ATM: variants seen among roughly 807,000 people sequenced by gnomAD.
ATM encodes the protein ATM serine/threonine kinase.
In ATM, 308 loss-of-function variants were observed where a neutral mutation model predicts 387.0. That is an observed-to-expected ratio of 0.80 (90% CI 0.73 to 0.87). The LOEUF (loss-of-function observed/expected upper bound fraction) is 0.87, where lower values mean the gene tolerates loss of function less well. ATM is among the 40% of genes least tolerant of loss of function. The pLI is 0.00. For missense variants in ATM, 3,312 were observed against 3,560.9 expected (o/e 0.93, Z 1.78); for synonymous variants, 1,156 against 1,187.3 (o/e 0.97, Z 0.54).
At chr11:108,235,557 A>G (rs2079227731) in intron 4 of ATM, 113 bp from the exon 5 acceptor site, 1 of 1,032,498 alleles carries the variant, frequency 9.7e-7, no homozygotes, top group Non-Finnish European at 1.4e-6. Flanking sequence ...TCTCTACAAA[A>G]GAAGTTTAGT....
In ATM at chr11:108,281,178, G is replaced by A. The variant is rs1057523063; in HGVS notation, c.3576+10G>A. On this transcript the variant is annotated intron_variant, in intron 24 of 62. Coordinates refer to ENST00000675843, the MANE Select transcript of ATM (RefSeq NM_000051.4). Reference sequence around the variant, plus strand: ...TCACCTTGTGAAAAAGGTATATATGGATGAGTATTTTATTAGAAGCTTCCT... The same window carrying A: ...TCACCTTGTGAAAAAGGTATATATGAATGAGTATTTTATTAGAAGCTTCCT... 6.2e-7 allele frequency: 1 copy of A among 1,612,694 alleles called. No homozygotes were observed. The highest frequency in any genetic ancestry group is 8.5e-7 in the Non-Finnish European group (1 of 1,178,834).
At chr11:108,224,735 A>T (rs926171545) in intron 1 of ATM, 1 of 152,186 alleles carries the variant, frequency 6.6e-6, no homozygotes, top group African/African-American at 2.4e-5. Context: ...TTTATCTAAA[A>T]TGATTCTCTC....
In ATM at chr11:108,308,996, A is replaced by C. The variant is rs775063343; in HGVS notation, c.5762+1012A>C. On this transcript the variant is annotated intron_variant, in intron 38 of 62. Transcript: ENST00000675843. ...TTACCATTGGGGTAGAATGGTGTTG[A>C]CATTAGCAGGAGTTGGAGAAGATAA... 8.5e-6 allele frequency: 13 copies of C among 1,527,524 alleles called. No homozygotes were observed. The South Asian group carries it at 1.6e-4, about 18-fold the overall frequency. The allele number at this position is 1,527,524 out of a possible 1,614,324, so 94.6% of individuals were successfully genotyped here.
chr11:108,320,261 T>C (rs1349992676), intron 44 of ATM, among the ~76,000 whole-genome samples: 4 of 152,244 alleles, frequency 2.6e-5, no homozygotes, highest in Non-Finnish European at 5.9e-5. Context: ...TTCTTTACCC[T>C]GACCCTTCAA....
intron 16 of ATM, among the ~76,000 whole-genome samples, chr11:108,261,938 G>C (rs1184775799): frequency 1.3e-5 from 2 of 152,036 alleles, no homozygotes; most frequent in Non-Finnish European, 2.9e-5. Flanking sequence ...AGAGAAAAAA[G>C]AATAAAAAGA....
rs587782310 is a variant in ATM, at chr11:108,330,234, G to A, written c.7328G>A (p.Arg2443Gln). The A allele has an allele frequency of 6.2e-6, 10 of 1,614,012 alleles. No individual in the cohort carries two copies. Among genetic ancestry groups the A allele is most frequent in the South Asian group, 2.2e-5 (2 of 91,084 alleles). ...GCAAGATACACAGTAAAGGTTCAGC[G>A]AGAGCTGGAGTTGGATGAATTAGCC... Reference protein sequence around the residue: ...QTNRYTVKVQRELELDELALR... With the variant: ...QTNRYTVKVQQELELDELALR... The change falls in exon 50 of 63, where the codon CGA (arginine) becomes CAA (glutamine). Residue 2443 changes from arginine (R) to glutamine (Q), a missense_variant. Around this residue, in one of 4 missense-constraint regions of ATM, gnomAD observed 1,405 missense variants for 1,604.4 expected, o/e 0.88. Transcript: ENST00000675843.
intron 48 of ATM, 132 bp downstream of exon 48, chr11:108,327,890 C>A: frequency 1.3e-6 from 1 of 793,020 alleles, no homozygotes; most frequent in Non-Finnish European, 2.1e-6. Flanking sequence ...ACTGTTGTAG[C>A]TCTGTATAGT....
At chr11:108,278,372 A>C (rs1224153826) in intron 22 of ATM, among the ~76,000 whole-genome samples, 1 of 152,208 alleles carries the variant, frequency 6.6e-6, no homozygotes, top group Non-Finnish European at 1.5e-5. Context: ...GTAATATAAG[A>C]CTGAATTGAA....
In ATM at chr11:108,279,548, G is replaced by A. The variant is rs138393322; in HGVS notation, c.3342G>A (p.Lys1114=). The change falls in exon 23 of 63, where the codon AAG becomes AAA. Residue 1114 remains lysine (K), a synonymous_variant. Coordinates refer to ENST00000675843, the MANE Select transcript of ATM (RefSeq NM_000051.4). Reference sequence around the variant, plus strand: ...GGTTACTGAAAGCACTTCCTTTGAAGCTTCAGCAAACAGCTTTTGAAAATG... The same window carrying A: ...GGTTACTGAAAGCACTTCCTTTGAAACTTCAGCAAACAGCTTTTGAAAATG... ...SSRLLKALPL[K]LQQTAFENAY... 462 of 1,613,850 alleles carry A rather than the reference G, an allele frequency of 2.9e-4. 3 individuals are homozygous for A. Among genetic ancestry groups the A allele is most frequent in the Admixed American group, 9.8e-4 (59 of 60,004 alleles).
At chr11:108,341,547 T>A (rs7103206) in intron 56 of ATM, among the ~76,000 whole-genome samples, 2,228 of 152,242 alleles carry the variant, frequency 0.015, 52 homozygotes, top group African/African-American at 0.048. Context: ...GTTAATAAAT[T>A]AATCAAATGC....
chr11:108,364,837 A>T (rs2091163361), intron 61 of ATM, among the ~76,000 whole-genome samples: 1 of 152,196 alleles, frequency 6.6e-6, no homozygotes, highest in South Asian at 2.1e-4. Flanking sequence ...TCCAGTCAGG[A>T]AACATGGGTC....
chr11:108,333,791 C>A lies in ATM; in HGVS notation c.7928-95C>A, dbSNP rs3218704. 3.6e-3 allele frequency: 3,592 copies of A among 986,808 alleles called. 79 individuals are homozygous for A. In the African/African-American group the frequency reaches 0.049, roughly 13 times the overall value. The allele number at this position is 986,808 out of a possible 1,614,324, so 61.1% of individuals were successfully genotyped here. On this transcript the variant is annotated intron_variant, in intron 53 of 62. Transcript: ENST00000675843. ...CAGAGCCTGAACCACAGATTAGCAA[C>A]AAGTTGGGGCCAGTGGTATCTGCTG...
chr11:108,358,926 A>G (rs1186756042), intron 61 of ATM, among the ~76,000 whole-genome samples: 1 of 152,152 alleles, frequency 6.6e-6, no homozygotes, highest in African/African-American at 2.4e-5. Context: ...TAATGACAGG[A>G]TCAAACTCCC....
intron 16 of ATM, among the ~76,000 whole-genome samples, chr11:108,261,859 G>A (rs1300425905): frequency 3.3e-5 from 5 of 152,090 alleles, no homozygotes; most frequent in South Asian, 2.1e-4. Flanking sequence ...GAGCCGATGC[G>A]ATCAACTGGA....
chr11:108,301,578 C>T (rs2135909858), intron 34 of ATM, 70 bp from the exon 35 acceptor site: 1 of 1,585,930 alleles, frequency 6.3e-7, no homozygotes, highest in South Asian at 1.1e-5. Flanking sequence ...GAAATTTTTT[C>T]AGTGGAGGTT....
At chr11:108,317,180 C>T (rs935573027) in intron 42 of ATM, among the ~76,000 whole-genome samples, 193 bp from the exon 43 acceptor site, 10 of 151,744 alleles carry the variant, frequency 6.6e-5, no homozygotes, top group Non-Finnish European at 1.3e-4. Flanking sequence ...CTCAAGTGAT[C>T]CTCCTGCCTC....
Position 108,248,975 on chromosome 11 carries a change from TAC to T in ATM, c.1111_1112del (p.Thr371TyrfsTer7). The T allele has an allele frequency of 6.2e-7, 1 of 1,612,490 alleles. No homozygotes were observed. The highest frequency in any genetic ancestry group is 8.5e-7 in the Non-Finnish European group (1 of 1,178,640). On this transcript the variant is annotated frameshift_variant, in exon 9 of 63. Transcript: ENST00000675843. LOFTEE classifies it high-confidence loss of function. ...DTRSLEISQS[Y>X]TTTQRESSDY... ...CAGATCCTTGGAGATTTCTCAATCT[TAC>T]ACTACTACACAAAGAGAATCTAGTG... is the stretch of plus-strand genomic sequence containing the variant.
chr11:108,272,741 G>T lies in ATM; in HGVS notation c.3173G>T (p.Trp1058Leu). The change falls in exon 22 of 63, where the codon TGG (tryptophan) becomes TTG (leucine). Residue 1058 changes from tryptophan (W) to leucine (L), a missense_variant. Transcript: ENST00000675843. ...TLLEADPYSK[W>L]AILNVMGKDF... The stretch of plus-strand genomic sequence containing the variant: ...CCGTAGGCTGATCCTTATTCAAAAT[G>T]GGCCATTCTTAATGTAATGGGAAAA... 6.2e-7 allele frequency: 1 copy of T among 1,613,846 alleles called. No individual in the cohort carries two copies. The highest frequency in any genetic ancestry group is 1.1e-5 in the South Asian group (1 of 91,068).
intron 26 of ATM, among the ~76,000 whole-genome samples, chr11:108,286,104 G>T (rs956410371): frequency 6.6e-6 from 1 of 151,982 alleles, no homozygotes; most frequent in Non-Finnish European, 1.5e-5. Context: ...GGCCAAGGCG[G>T]GTGGATCACC....
Sources: allele counts gnomAD v4.1 joint callset (sites outside exome capture counted in the v4.1 genomes callset), GRCh38; gene constraint gnomAD v4.1.1; regional missense constraint gnomAD v4.1.1; transcripts MANE v1.5; gene names NCBI Gene and HGNC (gene_info 2026-07-23, HGNC 2026-07-21).